Variants in CNOT1 observed in about 807,000 individuals in gnomAD.
The protein encoded by CNOT1 is CCR4-NOT transcription complex subunit 1, also known as CCR4-associated factor 1.
Under a neutral mutation model 273.8 loss-of-function variants are expected in CNOT1, and 15 were observed. That is an observed-to-expected ratio of 0.05 (90% CI 0.04 to 0.08). The LOEUF (loss-of-function observed/expected upper bound fraction) is 0.08. CNOT1 is among the 10% of genes least tolerant of loss of function. The pLI is 1.00. For missense variants in CNOT1, 1,644 were observed against 2,912.2 expected, an observed-to-expected ratio of 0.56 and a Z score of 10.02; for synonymous variants, 1,022 against 1,005.5, an observed-to-expected ratio of 1.02 and a Z score of -0.31.
intron 1 of CNOT1, among the ~76,000 whole-genome samples, chr16:58,613,208 A>T (rs890472295): frequency 2.8e-4 from 42 of 151,468 alleles, no homozygotes; most frequent in Non-Finnish European, 5.6e-4. Flanking sequence ...ATTTTTTTTT[A>T]TTTTTAGTAG....
At chr16:58,586,243 G>T in intron 7 of CNOT1, among the ~76,000 whole-genome samples, 1 of 20,400 alleles carries the variant, frequency 4.9e-5, no homozygotes, top group Non-Finnish European at 8.8e-5. Context: ...AGAGAAAGAG[G>T]CGGAGGGGAG....
At chr16:58,574,978 G>C in intron 15 of CNOT1, 29 bp downstream of exon 15, 1 of 1,606,528 alleles carries the variant, frequency 6.2e-7, no homozygotes, top group Non-Finnish European at 8.5e-7. Flanking sequence ...AAATTTAAGA[G>C]CAAAAATAAA....
rs763143540 is a variant in CNOT1 at position 58,541,534 on chromosome 16, A to G, written c.4767T>C (p.Ser1589=). ...VPGFLPTNDL[S]QPTGFLAQPM... is the part of the protein sequence containing the mutation. ...GCTGGGCTAAAAATCCCGTGGGCTG[A>G]CTTAAGTCATTTGTAGGTAAGAAGC... The change falls in exon 34 of 49, where the codon AGT becomes AGC. Residue 1589 remains serine (S), a synonymous_variant. Coordinates refer to ENST00000317147, the MANE Select transcript of CNOT1 (RefSeq NM_016284.5). The G allele has an allele frequency of 3.1e-5, 50 of 1,613,962 alleles. No individual in the cohort carries two copies. The highest frequency in any genetic ancestry group is 1.6e-4 in the Middle Eastern group (1 of 6,084).
chr16:58,568,428 G>A lies in CNOT1; in HGVS notation c.1979+6181C>T, dbSNP rs1040619297. Among the ~76,000 whole-genome samples, 3 of 151,634 alleles carry A rather than the reference G, an allele frequency of 2.0e-5. No homozygotes were observed. In the East Asian group the frequency reaches 5.8e-4, roughly 29 times the overall value. On this transcript the variant is annotated intron_variant, in intron 16 of 48. Coordinates refer to ENST00000317147, the MANE Select transcript of CNOT1 (RefSeq NM_016284.5). Reference sequence around the variant, plus strand: ...GAGCCGGGTGCAGTGGCTCAAGCCTGTAATCTCAGCACTTTGGGAGGCCAA... The same window carrying A: ...GAGCCGGGTGCAGTGGCTCAAGCCTATAATCTCAGCACTTTGGGAGGCCAA...
intron 8 of CNOT1, among the ~76,000 whole-genome samples, chr16:58,585,121 A>G (rs1368547649): frequency 6.6e-6 from 1 of 152,292 alleles, no homozygotes; most frequent in East Asian, 1.9e-4. Context: ...TCTGGCTCCT[A>G]ATTTTGAGAA....
intron 46 of CNOT1, 65 bp from the exon 47 acceptor site, chr16:58,523,567 A>C: frequency 6.5e-7 from 1 of 1,529,462 alleles, no homozygotes; most frequent in Non-Finnish European, 8.9e-7. Context: ...GACAGTTCTA[A>C]CTGGCTAGGG....
At chr16:58,548,845 A>G (rs2040347781) in intron 25 of CNOT1, among the ~76,000 whole-genome samples, 2 of 152,272 alleles carry the variant, frequency 1.3e-5, no homozygotes, top group South Asian at 4.1e-4. Flanking sequence ...GAGTCTAAAG[A>G]TATCTTGCAC....
At chr16:58,528,342 T>A (rs765902789) in intron 44 of CNOT1, 133 bp downstream of exon 44, 6 of 711,250 alleles carry the variant, frequency 8.4e-6, no homozygotes, top group Admixed American at 2.2e-5. Context: ...AATAACATTA[T>A]TTCCTTTAAA....
chr16:58,592,728 C>T lies in CNOT1; in HGVS notation c.103-3822G>A, dbSNP rs571912854. 5.9e-5 allele frequency among the ~76,000 whole-genome samples: 9 copies of T among 152,230 alleles called. No individual in the cohort carries two copies. The South Asian group carries it at 1.9e-3, about 32-fold the overall frequency. Reference sequence around the variant, plus strand: ...CAAATGCCCCAAAACATACAAATATCCTCTGTTCAAGTGATGAATCTGCAA... The same window carrying T: ...CAAATGCCCCAAAACATACAAATATTCTCTGTTCAAGTGATGAATCTGCAA... On this transcript the variant is annotated intron_variant, in intron 2 of 48. Transcript: ENST00000317147.
intron 1 of CNOT1, among the ~76,000 whole-genome samples, chr16:58,605,495 GACTCTGTCTCAAAATAAAATAA>G (rs1296488941): frequency 2.0e-5 from 3 of 152,102 alleles, no homozygotes; most frequent in Non-Finnish European, 2.9e-5. Flanking sequence ...GACAGAGCAA[GACTCTGTCTCAAAATAAAATAA>G]AATAAAAACA....
chr16:58,574,873 G>C, intron 15 of CNOT1, 113 bp from the exon 16 acceptor site: 1 of 1,559,928 alleles, frequency 6.4e-7, no homozygotes, highest in Non-Finnish European at 8.6e-7. Context: ...CATCTTCATT[G>C]CCATTTAAAA....
chr16:58,564,952 T>C (rs560456147), intron 16 of CNOT1, among the ~76,000 whole-genome samples: 6 of 151,888 alleles, frequency 4.0e-5, no homozygotes, highest in African/African-American at 9.7e-5. Context: ...AATAAATAAA[T>C]AATAAATAAA....
rs953629008 is a variant in CNOT1 at position 58,547,451 on chromosome 16, C to CG, written c.3639+114dup. 3 of 1,504,058 alleles carry CG rather than the reference C, an allele frequency of 2.0e-6. No homozygotes were observed. In the African/African-American group the frequency reaches 4.2e-5, roughly 21 times the overall value. 93.2% of individuals were successfully genotyped at this position (1,504,058 alleles called of 1,614,324 possible). A position where few individuals can be genotyped will look rare whatever the true frequency, so the allele number is the denominator to read the frequency against. On this transcript the variant is annotated intron_variant, in intron 26 of 48. Transcript: ENST00000317147. The surrounding 1 kb of genome is among the most constrained non-coding windows in gnomAD (Gnocchi z 4.0). ...ACAAAAAGGGGTTAACAACTCAAAA[C>CG]GTGGGCCAAAATCTTACAAAACCCC...
At chr16:58,621,347 C>A (rs1428326312) in intron 1 of CNOT1, among the ~76,000 whole-genome samples, 1 of 152,028 alleles carries the variant, frequency 6.6e-6, no homozygotes, top group Admixed American at 6.6e-5. Flanking sequence ...AATCTCGGCT[C>A]ACCGCAACCT....
At chr16:58,603,407 AAGTG>A (rs1162583690) in intron 1 of CNOT1, among the ~76,000 whole-genome samples, 8,445 of 126,228 alleles carry the variant, frequency 0.067, 316 homozygotes, top group Non-Finnish European at 0.074. Context: ...TACAATTTAA[AAGTG>A]TGTGTGTGTG....
At chr16:58,603,408 AGTGT>A (rs200088613) in intron 1 of CNOT1, among the ~76,000 whole-genome samples, 10,586 of 95,988 alleles carry the variant, frequency 0.11, 407 homozygotes, top group South Asian at 0.17. Flanking sequence ...ACAATTTAAA[AGTGT>A]GTGTGTGTGT....
intron 18 of CNOT1, among the ~76,000 whole-genome samples, chr16:58,557,830 A>G (rs1653871957): frequency 6.6e-6 from 1 of 152,060 alleles, no homozygotes; most frequent in Non-Finnish European, 1.5e-5. Flanking sequence ...CTCTACTAAA[A>G]ATACAAAAAA....
chr16:58,541,278 G>A (rs1046855595), intron 34 of CNOT1, among the ~76,000 whole-genome samples: 1 of 151,996 alleles, frequency 6.6e-6, no homozygotes, highest in African/African-American at 2.4e-5. Context: ...CCCCTAATTA[G>A]GCCGAACATT....
Position 58,599,412 on chromosome 16 carries a change from C to T in CNOT1, c.-75G>A. 3.8e-6 allele frequency: 6 copies of T among 1,576,468 alleles called. No individual in the cohort carries two copies. Among genetic ancestry groups the T allele is most frequent in the Admixed American group, 1.7e-5 (1 of 57,618 alleles). On this transcript the variant is annotated 5_prime_UTR_variant, in exon 2 of 49. Transcript: ENST00000317147. ...TATTCCCCTTTAGTCACCTCAGAGGCAGGTTAATGCTTTCTTTGTAATTAG... is the reference window on the plus strand; with the variant it reads ...TATTCCCCTTTAGTCACCTCAGAGGTAGGTTAATGCTTTCTTTGTAATTAG...
Sources: allele counts gnomAD v4.1 joint callset (sites outside exome capture counted in the v4.1 genomes callset), GRCh38; gene constraint gnomAD v4.1.1; non-coding constraint Gnocchi (gnomAD v3.1); transcripts MANE v1.5; gene names NCBI Gene and HGNC (gene_info 2026-07-23, HGNC 2026-07-21).